L3MBTL4: variants seen among roughly 807,000 people sequenced by gnomAD.
L3MBTL4 encodes the protein lethal(3)malignant brain tumor-like protein 4.
In L3MBTL4, 70 loss-of-function variants were observed where a neutral mutation model predicts 84.5. The ratio of observed to expected loss-of-function variants is 0.83; its 90% CI spans 0.68 to 1.01. The LOEUF is 1.01. L3MBTL4 is among the 50% of genes least tolerant of loss of function. The pLI, the probability that L3MBTL4 is intolerant of heterozygous loss-of-function variation, is 0.00. For synonymous variants in L3MBTL4, 274 were observed against 259.8 expected (o/e 1.05, Z -0.52); for missense variants, 715 against 754.8 (o/e 0.95, Z 0.62).
At chr18:6,142,151 C>A (rs1159957135) in intron 13 of L3MBTL4, among the ~76,000 whole-genome samples, 1 of 152,196 alleles carries the variant, frequency 6.6e-6, no homozygotes, top group Non-Finnish European at 1.5e-5. Context: ...ACCTCAATTA[C>A]AAAGTAAATA....
chr18:6,332,878 T>TAGCAGAAGCAGCAGC (rs2052113072), intron 1 of L3MBTL4, among the ~76,000 whole-genome samples: 1 of 152,210 alleles, frequency 6.6e-6, no homozygotes, highest in Admixed American at 6.5e-5. Flanking sequence ...AAAGCAGCAG[T>TAGCAGAAGCAGCAGC]AGCAGTAGCA....
chr18:6,013,613 G>C (rs1366639142), intron 16 of L3MBTL4, among the ~76,000 whole-genome samples: 1 of 152,176 alleles, frequency 6.6e-6, no homozygotes, highest in Non-Finnish European at 1.5e-5. Flanking sequence ...TCGGCCCTCT[G>C]TGACTGGTCC....
intron 1 of L3MBTL4, among the ~76,000 whole-genome samples, chr18:6,394,432 C>T (rs1296701826): frequency 6.6e-6 from 1 of 152,100 alleles, no homozygotes; most frequent in Non-Finnish European, 1.5e-5. Context: ...TGTGCCACTG[C>T]ACTCCAGCCT....
At chr18:6,280,446 C>T (rs971280055) in intron 4 of L3MBTL4, among the ~76,000 whole-genome samples, 5 of 152,182 alleles carry the variant, frequency 3.3e-5, no homozygotes, top group Admixed American at 2.0e-4. Flanking sequence ...GACCTAATGA[C>T]TGAAAGCCCT....
intron 12 of L3MBTL4, among the ~76,000 whole-genome samples, chr18:6,176,799 G>A (rs578116283): frequency 6.6e-6 from 1 of 152,004 alleles, no homozygotes; most frequent in African/African-American, 2.4e-5. Flanking sequence ...TCTGACAAGA[G>A]ACTTGACAAA....
At chr18:6,019,979 G>A (rs1156609217) in intron 16 of L3MBTL4, among the ~76,000 whole-genome samples, 1 of 152,172 alleles carries the variant, frequency 6.6e-6, no homozygotes, top group African/African-American at 2.4e-5. Context: ...TTATTCGGAA[G>A]TGTCTTGAGT....
chr18:6,166,310 A>C (rs956411630), intron 13 of L3MBTL4, among the ~76,000 whole-genome samples: 3 of 152,184 alleles, frequency 2.0e-5, no homozygotes, highest in African/African-American at 7.2e-5. Flanking sequence ...AATTGAACTC[A>C]GCTCTGCACC....
At chr18:6,195,783 T>C (rs1384257850) in intron 12 of L3MBTL4, among the ~76,000 whole-genome samples, 2 of 152,206 alleles carry the variant, frequency 1.3e-5, no homozygotes, top group East Asian at 1.9e-4. Flanking sequence ...ATTGGCCTTA[T>C]TGGTTGCCCC....
chr18:5,982,089 A>C (rs1319110403), intron 16 of L3MBTL4, among the ~76,000 whole-genome samples: 2 of 152,102 alleles, frequency 1.3e-5, no homozygotes, highest in Admixed American at 6.6e-5. Context: ...CATAAGTTAA[A>C]GAACAAATTA....
At chr18:6,031,494 T>C (rs1425291853) in intron 16 of L3MBTL4, 1 of 985,346 alleles carries the variant, frequency 1.0e-6, no homozygotes, top group African/African-American at 1.7e-5. Flanking sequence ...CTCATTTTTT[T>C]AAGTATTTAC....
At chr18:6,047,265 C>T (rs1357351151) in intron 16 of L3MBTL4, among the ~76,000 whole-genome samples, 1 of 151,836 alleles carries the variant, frequency 6.6e-6, no homozygotes, top group East Asian at 1.9e-4. Context: ...AAAATCTTAC[C>T]AACCAAAAAA....
At chr18:6,015,124 G>T (rs2054906439) in intron 16 of L3MBTL4, among the ~76,000 whole-genome samples, 1 of 152,092 alleles carries the variant, frequency 6.6e-6, no homozygotes, top group Non-Finnish European at 1.5e-5. Context: ...AGGAGCTCAG[G>T]ATAGAGATGA....
chr18:5,967,196 G>A (rs1206742500), intron 17 of L3MBTL4, among the ~76,000 whole-genome samples: 1 of 152,176 alleles, frequency 6.6e-6, no homozygotes, highest in East Asian at 1.9e-4. Flanking sequence ...CCCATCTCCC[G>A]GTCCTGGGTT....
At chr18:6,372,797 T>C (rs537293250) in intron 1 of L3MBTL4, among the ~76,000 whole-genome samples, 1 of 152,312 alleles carries the variant, frequency 6.6e-6, no homozygotes, top group African/African-American at 2.4e-5. Flanking sequence ...ATCATTTTTC[T>C]TTAAAAACAA....
At chr18:6,376,956 A>C (rs1265826614) in intron 1 of L3MBTL4, among the ~76,000 whole-genome samples, 1 of 152,200 alleles carries the variant, frequency 6.6e-6, no homozygotes, top group East Asian at 1.9e-4. Context: ...AGTGCCAACT[A>C]TCTAAGGACA....
chr18:6,248,598 G>T (rs890412510), intron 5 of L3MBTL4, among the ~76,000 whole-genome samples: 1 of 152,102 alleles, frequency 6.6e-6, no homozygotes, highest in African/African-American at 2.4e-5. Context: ...CTGTTTTCTG[G>T]TTTATGCTTC....
chr18:6,211,430 T>C (rs1162052851), intron 12 of L3MBTL4, among the ~76,000 whole-genome samples: 3 of 152,100 alleles, frequency 2.0e-5, no homozygotes, highest in African/African-American at 7.2e-5. Context: ...AACAGAACAA[T>C]ATGAACAATA....
intron 16 of L3MBTL4, among the ~76,000 whole-genome samples, chr18:5,977,373 C>G (rs1441741850): frequency 6.6e-6 from 1 of 152,204 alleles, no homozygotes; most frequent in East Asian, 1.9e-4. Context: ...TTGGTTCCAT[C>G]CAGGAACTGA....
intron 1 of L3MBTL4, among the ~76,000 whole-genome samples, chr18:6,406,412 C>T (rs2055736312): frequency 7.0e-6 from 1 of 142,598 alleles, no homozygotes; most frequent in African/African-American, 2.4e-5. Flanking sequence ...ATAAAAAGTT[C>T]CCTCCTTGTA....
Sources: allele counts gnomAD v4.1 joint callset (sites outside exome capture counted in the v4.1 genomes callset), GRCh38; gene constraint gnomAD v4.1.1; transcripts MANE v1.5; gene names NCBI Gene and HGNC (gene_info 2026-07-23, HGNC 2026-07-21).